Variants in FBXO8 observed in about 807,000 individuals in gnomAD.
FBXO8 encodes F-box only protein 8.
In FBXO8, 15 loss-of-function variants were observed where a neutral mutation model predicts 33.4. The ratio of observed to expected loss-of-function variants is 0.45; its 90% CI spans 0.30 to 0.69. The LOEUF is 0.69. Among genes scored for constraint, FBXO8 ranks in the 30% least tolerant of loss-of-function variants. FBXO8 has a pLI of 0.08. For missense variants in FBXO8, 274 were observed against 380.3 expected (o/e 0.72, Z 2.32); for synonymous variants, 132 against 131.5 (o/e 1.00, Z -0.02).
In FBXO8 at chr4:174,255,855, T is replaced by C. The variant is rs1736402686; in HGVS notation, c.456+3844A>G. On this transcript the variant is annotated intron_variant, in intron 3 of 5. Transcript: ENST00000393674. The surrounding 1 kb of genome is among the most constrained non-coding windows in gnomAD (Gnocchi z 4.3). The stretch of plus-strand genomic sequence containing the variant: ...GAATAAAATTGACACACACAACTTG[T>C]ACATGCAGGGAAAATACAACTTAAT... Among the ~76,000 whole-genome samples the C allele has an allele frequency of 6.6e-6, 1 of 152,226 alleles. No homozygotes were observed. Among genetic ancestry groups the C allele is most frequent in the African/African-American group, 2.4e-5 (1 of 41,478 alleles).
chr4:174,275,915 C>G lies in FBXO8; in HGVS notation c.-9+7495G>C, dbSNP rs975546758. Among the ~76,000 whole-genome samples the G allele has an allele frequency of 6.6e-6, 1 of 151,774 alleles. No homozygotes were observed. The highest frequency in any genetic ancestry group is 2.4e-5 in the African/African-American group (1 of 41,346). ...GATATATAAACAACAGAGTAAGGTA[C>G]AAATGCAAAAAGGATCGATATTTGT... On this transcript the variant is annotated intron_variant, in intron 1 of 5. Transcript: ENST00000393674. This position sits in a 1 kb window ranked among gnomAD's most constrained non-coding sequence, Gnocchi z 4.4.
chr4:174,261,647 A>G lies in FBXO8; in HGVS notation c.329+1117T>C, dbSNP rs1736565352. Among the ~76,000 whole-genome samples the G allele has an allele frequency of 6.6e-6, 1 of 152,012 alleles. No individual in the cohort carries two copies. Among genetic ancestry groups the G allele is most frequent in the South Asian group, 2.1e-4 (1 of 4,836 alleles). On this transcript the variant is annotated intron_variant, in intron 2 of 5. Transcript: ENST00000393674. The surrounding 1 kb of genome is among the most constrained non-coding windows in gnomAD (Gnocchi z 4.1). ...TCTCACGTAGTACTTTCACTATGTC[A>G]AACAAATGAGTAAAAGAATAACAAG...
chr4:174,260,816 G>A (rs1037891630), intron 2 of FBXO8, among the ~76,000 whole-genome samples: 1 of 151,998 alleles, frequency 6.6e-6, no homozygotes, highest in Non-Finnish European at 1.5e-5. Flanking sequence ...CAATTGTGAT[G>A]AGTCTTTGTC....
Position 174,262,683 on chromosome 4 carries a change from G to A in FBXO8, c.329+81C>T. 2 of 1,201,940 alleles carry A rather than the reference G, an allele frequency of 1.7e-6. No individual in the cohort carries two copies. The highest frequency in any genetic ancestry group is 1.2e-6 in the Non-Finnish European group (1 of 858,968). The allele number at this position is 1,201,940 out of a possible 1,614,324, so 74.5% of individuals were successfully genotyped here. The stretch of plus-strand genomic sequence containing the variant: ...AGCCCAAGTTTAAAGAAAATATTTT[G>A]TAATATACATTATAAAAAGAACATT... On this transcript the variant is annotated intron_variant, in intron 2 of 5. Coordinates refer to ENST00000393674, the MANE Select transcript of FBXO8 (RefSeq NM_012180.3). The surrounding 1 kb of genome is among the most constrained non-coding windows in gnomAD (Gnocchi z 4.6).
chr4:174,275,016 C>A lies in FBXO8; in HGVS notation c.-9+8394G>T, dbSNP rs1246512147. ...ATTTGGAAGATGAAAGGAAAGCCTA[C>A]AGATTGAGAGAAAATATTTGTAAAC... On this transcript the variant is annotated intron_variant, in intron 1 of 5. Transcript: ENST00000393674. The surrounding 1 kb of genome is among the most constrained non-coding windows in gnomAD (Gnocchi z 4.4). 6.6e-6 allele frequency among the ~76,000 whole-genome samples: 1 copy of A among 152,116 alleles called. No homozygotes were observed. Among genetic ancestry groups the A allele is most frequent in the Non-Finnish European group, 1.5e-5 (1 of 68,018 alleles).
intron 3 of FBXO8, among the ~76,000 whole-genome samples, chr4:174,258,908 T>C (rs1486486244): frequency 6.6e-6 from 1 of 152,054 alleles, no homozygotes; most frequent in Admixed American, 6.6e-5. Flanking sequence ...AAAGTTGTTT[T>C]TGAAAATTAG....
intron 1 of FBXO8, among the ~76,000 whole-genome samples, chr4:174,264,286 T>C (rs1011147058): frequency 1.2e-4 from 18 of 152,160 alleles, no homozygotes; most frequent in Middle Eastern, 3.4e-3. Context: ...CAACAGTGAC[T>C]AGATATCTTT....
intron 1 of FBXO8, among the ~76,000 whole-genome samples, chr4:174,279,493 T>C (rs966032748): frequency 1.3e-5 from 2 of 152,086 alleles, no homozygotes; most frequent in African/African-American, 4.8e-5. Flanking sequence ...TTTGCATTAA[T>C]AGAAAAAAAT....
rs139580005 is a variant in FBXO8, at chr4:174,247,745, G to A, written c.457-6527C>T. Among the ~76,000 whole-genome samples the A allele has an allele frequency of 0.014, 2,073 of 152,126 alleles. 30 individuals are homozygous for A. The highest frequency in any genetic ancestry group is 0.024 in the Middle Eastern group (7 of 294). The stretch of plus-strand genomic sequence containing the variant: ...AGTGACACAATATACGTTATTAATA[G>A]TAAAAATAATTGACACATCTGCAGG... On this transcript the variant is annotated intron_variant, in intron 3 of 5. Transcript: ENST00000393674. This position sits in a 1 kb window ranked among gnomAD's most constrained non-coding sequence, Gnocchi z 4.6.
intron 1 of FBXO8, among the ~76,000 whole-genome samples, chr4:174,279,746 G>A (rs966084972): frequency 6.6e-6 from 1 of 151,988 alleles, no homozygotes; most frequent in Non-Finnish European, 1.5e-5. Context: ...CATTTAATGG[G>A]GGAAAGGACA....
chr4:174,250,794 T>A (rs192693107), intron 3 of FBXO8, among the ~76,000 whole-genome samples: 1 of 152,242 alleles, frequency 6.6e-6, no homozygotes, highest in Non-Finnish European at 1.5e-5. Context: ...AATACTCATA[T>A]TTTGAAGTGA....
Position 174,247,549 on chromosome 4 carries a change from T to A in FBXO8, c.457-6331A>T, listed in dbSNP as rs1736188057. Among the ~76,000 whole-genome samples the A allele has an allele frequency of 6.6e-6, 1 of 152,042 alleles. No individual in the cohort carries two copies. Among genetic ancestry groups the A allele is most frequent in the Admixed American group, 6.6e-5 (1 of 15,224 alleles). ...GTAATACTTAAACAATATAGCTCAA[T>A]CTAGATTTCTAACTTTTCTTTCAAC... On this transcript the variant is annotated intron_variant, in intron 3 of 5. Coordinates refer to ENST00000393674, the MANE Select transcript of FBXO8 (RefSeq NM_012180.3). The surrounding 1 kb of genome is among the most constrained non-coding windows in gnomAD (Gnocchi z 4.6).
In FBXO8 at chr4:174,256,317, A is replaced by C. The variant is rs1736413756; in HGVS notation, c.456+3382T>G. Among the ~76,000 whole-genome samples, 1 of 152,188 alleles carries C rather than the reference A, an allele frequency of 6.6e-6. No individual in the cohort carries two copies. Among genetic ancestry groups the C allele is most frequent in the African/African-American group, 2.4e-5 (1 of 41,444 alleles). ...ATATTTAAACGTATCATCAAAACTA[A>C]TTTACTGCTCAGAGTTAAATGAACC... On this transcript the variant is annotated intron_variant, in intron 3 of 5. Transcript: ENST00000393674. This position sits in a 1 kb window ranked among gnomAD's most constrained non-coding sequence, Gnocchi z 4.6.
intron 1 of FBXO8, among the ~76,000 whole-genome samples, chr4:174,280,987 C>T (rs1737073498): frequency 6.6e-6 from 1 of 151,960 alleles, no homozygotes; most frequent in African/African-American, 2.4e-5. Flanking sequence ...TAATTAATAC[C>T]ATTGAACTGT....
At chr4:174,244,258 A>G (rs1456709585) in intron 3 of FBXO8, among the ~76,000 whole-genome samples, 1 of 151,620 alleles carries the variant, frequency 6.6e-6, no homozygotes, top group Non-Finnish European at 1.5e-5. Context: ...TAAGGACTGC[A>G]GGTTACAAAT....
chr4:174,274,127 T>G lies in FBXO8; in HGVS notation c.-9+9283A>C, dbSNP rs1579038413. On this transcript the variant is annotated intron_variant, in intron 1 of 5. Coordinates refer to ENST00000393674, the MANE Select transcript of FBXO8 (RefSeq NM_012180.3). The surrounding 1 kb of genome is among the most constrained non-coding windows in gnomAD (Gnocchi z 4.0). Reference sequence around the variant, plus strand: ...TCATCTCTTTTTACCCCGTCACTGTTTATTACCTCCATCGTTGGTCCCAGC... The same window carrying G: ...TCATCTCTTTTTACCCCGTCACTGTGTATTACCTCCATCGTTGGTCCCAGC... Among the ~76,000 whole-genome samples, 1 of 152,218 alleles carries G rather than the reference T, an allele frequency of 6.6e-6. No individual in the cohort carries two copies. Among genetic ancestry groups the G allele is most frequent in the East Asian group, 1.9e-4 (1 of 5,196 alleles).
rs1019764195 is a variant in FBXO8, at chr4:174,272,293, T to C, written c.-8-9193A>G. Among the ~76,000 whole-genome samples, 5 of 152,214 alleles carry C rather than the reference T, an allele frequency of 3.3e-5. No individual in the cohort carries two copies. Among genetic ancestry groups the C allele is most frequent in the Non-Finnish European group, 7.3e-5 (5 of 68,034 alleles). ...TCCATGAATGCTCAAGTCCCTTGTA[T>C]AAAATGGCATAGTATACATCCTCCT... On this transcript the variant is annotated intron_variant, in intron 1 of 5. Transcript: ENST00000393674. The surrounding 1 kb of genome is among the most constrained non-coding windows in gnomAD (Gnocchi z 4.7).
intron 3 of FBXO8, among the ~76,000 whole-genome samples, chr4:174,243,249 T>A (rs970450621): frequency 1.3e-5 from 2 of 151,298 alleles, no homozygotes; most frequent in East Asian, 3.9e-4. Context: ...ATAGAAGCAG[T>A]CATGAGCACA....
chr4:174,241,869 CT>C lies in FBXO8; in HGVS notation c.457-652del, dbSNP rs1454485190. Among the ~76,000 whole-genome samples the C allele has an allele frequency of 6.6e-6, 1 of 151,392 alleles. No individual in the cohort carries two copies. Among genetic ancestry groups the C allele is most frequent in the Non-Finnish European group, 1.5e-5 (1 of 67,512 alleles). On this transcript the variant is annotated intron_variant, in intron 3 of 5. Transcript: ENST00000393674. This position sits in a 1 kb window ranked among gnomAD's most constrained non-coding sequence, Gnocchi z 4.2. ...ATTCAATGTTTTTCATAGAATTTAT[CT>C]TTGAATTTCCTTTTCTCTGCATGCA... is the stretch of plus-strand genomic sequence containing the variant.
Sources: gnomAD v4.1 joint callset for allele counts (sites outside exome capture counted in the v4.1 genomes callset) on GRCh38, gnomAD v4.1.1 for gene constraint, Gnocchi (gnomAD v3.1) non-coding constraint, MANE v1.5 for transcripts, NCBI Gene and HGNC (gene_info 2026-07-23, HGNC 2026-07-21) for gene names.